Variants in PODXL observed in about 807,000 individuals in gnomAD.
PODXL encodes the protein podocalyxin like.
PODXL carries 20 observed loss-of-function variants against 48.9 expected under a neutral mutation model. The observed-to-expected ratio is 0.41, with a 90% CI of 0.29 to 0.59. PODXL has a LOEUF of 0.59. Among genes scored for constraint, PODXL ranks in the 20% least tolerant of loss-of-function variants. PODXL has a pLI of 0.31. For missense variants in PODXL, 606 were observed against 675.1 expected, an observed-to-expected ratio of 0.90 and a Z score of 1.13; for synonymous variants, 295 against 287.4, an observed-to-expected ratio of 1.03 and a Z score of -0.27.
intron 1 of PODXL, among the ~76,000 whole-genome samples, chr7:131,535,095 C>T (rs779780084): frequency 1.3e-5 from 2 of 152,010 alleles, no homozygotes; most frequent in Admixed American, 6.6e-5. Context: ...TGACCATCAA[C>T]GGAGGGCCAG....
chr7:131,531,464 C>T (rs550992421), intron 1 of PODXL, among the ~76,000 whole-genome samples: 14 of 152,298 alleles, frequency 9.2e-5, no homozygotes, highest in Admixed American at 9.2e-4. Context: ...GCTCTCTTCC[C>T]CATCTGCATG....
intron 1 of PODXL, among the ~76,000 whole-genome samples, chr7:131,550,973 T>A (rs555163777): frequency 1.3e-5 from 2 of 152,258 alleles, no homozygotes; most frequent in South Asian, 4.1e-4. Context: ...TCCTATGATT[T>A]TCTGGCTCAT....
intron 1 of PODXL, among the ~76,000 whole-genome samples, chr7:131,530,157 C>G (rs530945247): frequency 1.4e-5 from 2 of 141,582 alleles, no homozygotes; most frequent in East Asian, 2.5e-4. Flanking sequence ...CCCACCCCCC[C>G]ACCCCCAGCT....
intron 1 of PODXL, among the ~76,000 whole-genome samples, chr7:131,540,086 A>G (rs1253620026): frequency 6.6e-6 from 1 of 152,162 alleles, no homozygotes; most frequent in Non-Finnish European, 1.5e-5. Flanking sequence ...TCTGTCACCC[A>G]GATTGGAGTG....
chr7:131,553,340 A>G (rs1267969769), intron 1 of PODXL, among the ~76,000 whole-genome samples: 1 of 152,126 alleles, frequency 6.6e-6, no homozygotes, highest in Non-Finnish European at 1.5e-5. Context: ...ACTCTTTTCC[A>G]TATGCCTCCC....
chr7:131,530,442 G>A (rs1798259697), intron 1 of PODXL, among the ~76,000 whole-genome samples: 1 of 152,034 alleles, frequency 6.6e-6, no homozygotes, highest in African/African-American at 2.4e-5. Context: ...TGTGTGTCTT[G>A]GGTGTTATTA....
chr7:131,526,281 A>C (rs780907380), intron 1 of PODXL, among the ~76,000 whole-genome samples: 16 of 152,234 alleles, frequency 1.1e-4, no homozygotes, highest in Non-Finnish European at 2.4e-4. Flanking sequence ...AACAGGAAAG[A>C]GCTCATAATG....
rs369428692 is a variant in PODXL at position 131,521,189 on chromosome 7, G to A, written c.101-9756C>T. Among the ~76,000 whole-genome samples, 22 of 149,836 alleles carry A rather than the reference G, an allele frequency of 1.5e-4. No homozygotes were observed. In the East Asian group the frequency reaches 3.9e-3, roughly 27 times the overall value. On this transcript the variant is annotated intron_variant, in intron 1 of 8. Transcript: ENST00000378555. Reference sequence around the variant, plus strand: ...AAAAAAAAAGCTGAGAAGCCAAAAAGTTAAGACTTTTCTTGAGCCCTGAGG... The same window carrying A: ...AAAAAAAAAGCTGAGAAGCCAAAAAATTAAGACTTTTCTTGAGCCCTGAGG...
intron 1 of PODXL, among the ~76,000 whole-genome samples, chr7:131,531,411 C>G (rs925380580): frequency 6.6e-6 from 1 of 152,176 alleles, no homozygotes; most frequent in African/African-American, 2.4e-5. Context: ...CATGGGAAGG[C>G]CATCGAGGAA....
chr7:131,553,996 T>C (rs927249109), intron 1 of PODXL, among the ~76,000 whole-genome samples: 1 of 152,150 alleles, frequency 6.6e-6, no homozygotes, highest in African/African-American at 2.4e-5. Context: ...GCCCATATAT[T>C]GGAAGGTAAG....
intron 8 of PODXL, among the ~76,000 whole-genome samples, chr7:131,505,633 T>A (rs1333174011): frequency 1.3e-5 from 2 of 151,914 alleles, no homozygotes; most frequent in African/African-American, 4.8e-5. Context: ...ATAATAATAA[T>A]AAAATAAAAA....
intron 5 of PODXL, 138 bp downstream of exon 5, chr7:131,508,813 G>A (rs1156914316): frequency 1.4e-6 from 1 of 714,096 alleles, no homozygotes; most frequent in Non-Finnish European, 2.5e-6. Flanking sequence ...TTCCTACTAG[G>A]AAGAAATGAG....
At chr7:131,525,071 A>G (rs1386185498) in intron 1 of PODXL, among the ~76,000 whole-genome samples, 1 of 152,198 alleles carries the variant, frequency 6.6e-6, no homozygotes, top group Non-Finnish European at 1.5e-5. Flanking sequence ...CCAGAGGTTG[A>G]GGGAACTGGG....
intron 1 of PODXL, among the ~76,000 whole-genome samples, chr7:131,555,721 C>T (rs958864356): frequency 2.6e-5 from 4 of 152,166 alleles, no homozygotes; most frequent in African/African-American, 9.7e-5. Flanking sequence ...AGGAGTTGAG[C>T]CTGCACACAT....
At chr7:131,527,075 G>C (rs1431496215) in intron 1 of PODXL, among the ~76,000 whole-genome samples, 1 of 152,068 alleles carries the variant, frequency 6.6e-6, no homozygotes, top group Non-Finnish European at 1.5e-5. Context: ...ACTTATCCTA[G>C]GGAGACAAGT....
chr7:131,509,138 G>A lies in PODXL; in HGVS notation c.1024-110C>T, dbSNP rs190633484. On this transcript the variant is annotated intron_variant, in intron 4 of 8. Transcript: ENST00000378555. ...AGGAAAGAGTTCACGGCAAGCTGGA[G>A]GCATGGCTGGACCCATTCCAGAGCC... The A allele has an allele frequency of 6.7e-6, 7 of 1,040,268 alleles. No individual in the cohort carries two copies. In the Admixed American group the frequency reaches 8.9e-5, roughly 13 times the overall value. The allele number at this position is 1,040,268 out of a possible 1,614,324, so 64.4% of individuals were successfully genotyped here.
At chr7:131,550,102 G>T (rs186020552) in intron 1 of PODXL, among the ~76,000 whole-genome samples, 10 of 152,222 alleles carry the variant, frequency 6.6e-5, no homozygotes, top group African/African-American at 2.4e-4. Flanking sequence ...CAATTATCCC[G>T]CAAACATTTC....
intron 1 of PODXL, among the ~76,000 whole-genome samples, chr7:131,525,020 A>G (rs1444516704): frequency 2.0e-5 from 3 of 152,170 alleles, no homozygotes. Context: ...GATGTTATGG[A>G]AAGGGCAAAA....
intron 1 of PODXL, among the ~76,000 whole-genome samples, chr7:131,542,679 G>A (rs991499202): frequency 6.6e-6 from 1 of 152,100 alleles, no homozygotes; most frequent in African/African-American, 2.4e-5. Context: ...AGCAATAACA[G>A]CAACAAATAA....
Sources: gnomAD v4.1 joint callset for allele counts (sites outside exome capture counted in the v4.1 genomes callset) on GRCh38, gnomAD v4.1.1 for gene constraint, MANE v1.5 for transcripts, NCBI Gene and HGNC (gene_info 2026-07-23, HGNC 2026-07-21) for gene names.